The following AKR1E2 variants were observed in gnomAD, a reference collection of about 807,000 sequenced individuals.
The protein encoded by AKR1E2 is 1,5-anhydro-D-fructose reductase.
AKR1E2 carries 43 observed loss-of-function variants against 41.9 expected under a neutral mutation model. The ratio of observed to expected loss-of-function variants is 1.03; its 90% CI spans 0.80 to 1.32. The LOEUF (loss-of-function observed/expected upper bound fraction) is 1.32, where lower values mean the gene tolerates loss of function less well. AKR1E2 is among the 40% of genes most tolerant of loss of function. The probability of loss-of-function intolerance (pLI) is 0.00; values close to 1 mark genes in which losing one functional copy is unlikely to be tolerated. For missense variants in AKR1E2, 423 were observed against 396.5 expected (o/e 1.07, Z -0.57); for synonymous variants, 121 against 138.9 (o/e 0.87, Z 0.91).
At chr10:4,830,634 C>T (rs1397957409) in intron 1 of AKR1E2, 41 bp from the exon 2 acceptor site, 6 of 1,608,156 alleles carry the variant, frequency 3.7e-6, no homozygotes, top group Non-Finnish European at 5.1e-6. Context: ...TGTTGGATTC[C>T]TCTGACTGTG....
At position 4,847,427 on chromosome 10, in the gene AKR1E2, G is replaced by A; in HGVS notation, c.921-61G>A. 5 of 1,589,256 alleles carry A rather than the reference G, an allele frequency of 3.1e-6. No individual in the cohort carries two copies. In the Admixed American group the frequency reaches 6.8e-5, roughly 22 times the overall value. On this transcript the variant is annotated intron_variant, in intron 9 of 9. Coordinates refer to ENST00000298375, the MANE Select transcript of AKR1E2 (RefSeq NM_001040177.3). Reference sequence around the variant, plus strand: ...TTTAAAAGTATATACCATTTAAAATGTTTCTCTTAAAAAATAATCATTCTT... The same window carrying A: ...TTTAAAAGTATATACCATTTAAAATATTTCTCTTAAAAAATAATCATTCTT...
chr10:4,828,784 AAT>A (rs1326167525), intron 1 of AKR1E2, among the ~76,000 whole-genome samples: 6 of 152,128 alleles, frequency 3.9e-5, no homozygotes, highest in African/African-American at 1.4e-4. Context: ...TCCTGAAGAG[AAT>A]ATATGTCTTT....
chr10:4,862,266 C>T, the AKR1E2 span, among the ~76,000 whole-genome samples: 1 of 152,112 alleles, frequency 6.6e-6, no homozygotes. Context: ...TTTCTGAGGG[C>T]TCTGTTCTGT....
chr10:4,861,850 A>T, the AKR1E2 span, among the ~76,000 whole-genome samples: 1 of 152,030 alleles, frequency 6.6e-6, no homozygotes, highest in Non-Finnish European at 1.5e-5. Context: ...AGATGAGTAG[A>T]TTGCAAAAAT....
chr10:4,842,501 C>T lies in AKR1E2; in HGVS notation c.834C>T (p.Ile278=), dbSNP rs1432755432. ...SITPSHIKEN[I]QVFDFELTQH... is the part of the protein sequence containing the mutation. ...CCCCAAGTCACATTAAAGAGAATAT[C>T]CAGGTAGGTGTATTCCTTCTTTTAT... Residue 278 remains isoleucine (I), a synonymous_variant, in exon 8 of 10, where the codon ATC becomes ATT. Coordinates refer to ENST00000298375, the MANE Select transcript of AKR1E2 (RefSeq NM_001040177.3). 6.2e-7 allele frequency: 1 copy of T among 1,613,442 alleles called. No homozygotes were observed. The highest frequency in any genetic ancestry group is 1.3e-5 in the African/African-American group (1 of 74,920).
the AKR1E2 span, among the ~76,000 whole-genome samples, chr10:4,862,425 G>C: frequency 6.6e-6 from 1 of 152,096 alleles, no homozygotes; most frequent in East Asian, 1.9e-4. Flanking sequence ...CTCTTTTTTG[G>C]TTCCATATGA....
chr10:4,859,008 G>A, the AKR1E2 span, among the ~76,000 whole-genome samples: 8 of 152,032 alleles, frequency 5.3e-5, no homozygotes, highest in East Asian at 1.9e-4. Context: ...ATTTTTAGTA[G>A]AGACGAGGTT....
Position 4,839,787 on chromosome 10 carries a change from A to C in AKR1E2, c.641A>C (p.Asp214Ala). 1 of 1,613,970 alleles carries C rather than the reference A, an allele frequency of 6.2e-7. No homozygotes were observed. The highest frequency in any genetic ancestry group is 2.2e-5 in the East Asian group (1 of 44,872). ...CTGATCAGTTTTTGCCAATCCAGAG[A>C]TGTGTCCGTGACTGCTTACCGTCCT... The part of the protein sequence containing the change: ...KNLISFCQSR[D>A]VSVTAYRPLG... The change falls in exon 6 of 10, where the codon GAT becomes GCT. Residue 214 changes from aspartate to alanine, a missense_variant. Transcript: ENST00000298375.
chr10:4,861,974 T>C, the AKR1E2 span, among the ~76,000 whole-genome samples: 1 of 152,140 alleles, frequency 6.6e-6, no homozygotes, highest in Non-Finnish European at 1.5e-5. Context: ...GTTGCCATTG[T>C]TTTTGGTGTT....
intron 6 of AKR1E2, 97 bp from the exon 7 acceptor site, chr10:4,841,688 A>G: frequency 1.0e-6 from 1 of 976,626 alleles, no homozygotes; most frequent in Non-Finnish European, 1.5e-6. Flanking sequence ...TGATCAGAAA[A>G]TAAATCTTTC....
chr10:4,830,531 C>A, intron 1 of AKR1E2, 144 bp from the exon 2 acceptor site: 2 of 779,712 alleles, frequency 2.6e-6, no homozygotes, highest in Non-Finnish European at 2.0e-6. Flanking sequence ...ACTGATATTG[C>A]CTGTTTTTAG....
chr10:4,830,229 A>G (rs74693142), intron 1 of AKR1E2, among the ~76,000 whole-genome samples: 5,305 of 152,248 alleles, frequency 0.035, 150 homozygotes, highest in East Asian at 0.11. Flanking sequence ...TGCTTGTAGC[A>G]TTATACATTC....
In AKR1E2 at chr10:4,847,238, T is replaced by C. The variant is rs369174872; in HGVS notation, c.920+8T>C. ...ACTGGCCATGTTCCCCATGTAAATA[T>C]GGCTCCTTCTTTTTAAAACAGAGGG... On this transcript the variant is annotated splice_region_variant and intron_variant, in intron 9 of 9. Transcript: ENST00000298375. The C allele has an allele frequency of 5.0e-5, 80 of 1,613,866 alleles. No homozygotes were observed. The highest frequency in any genetic ancestry group is 6.3e-5 in the Non-Finnish European group (74 of 1,179,886).
intron 4 of AKR1E2, among the ~76,000 whole-genome samples, chr10:4,837,060 CAAAT>C (rs1272343419): frequency 2.0e-5 from 3 of 152,158 alleles, no homozygotes; most frequent in African/African-American, 7.2e-5. Flanking sequence ...GAAAGGTGAA[CAAAT>C]AAAATCCGCA....
At chr10:4,839,659 G>T (rs1261510586) in intron 5 of AKR1E2, 70 bp from the exon 6 acceptor site, 2 of 1,415,720 alleles carry the variant, frequency 1.4e-6, no homozygotes, top group African/African-American at 1.4e-5. Flanking sequence ...TTTGACGCAG[G>T]TCTTCTCTTG....
At chr10:4,856,868 C>A in the AKR1E2 span, among the ~76,000 whole-genome samples, 1 of 152,126 alleles carries the variant, frequency 6.6e-6, no homozygotes, top group Non-Finnish European at 1.5e-5. Flanking sequence ...GGTTTATAAT[C>A]AACTGTAGAA....
At chr10:4,843,976 A>G (rs72478258) in intron 8 of AKR1E2, among the ~76,000 whole-genome samples, 4,822 of 152,252 alleles carry the variant, frequency 0.032, 131 homozygotes, top group East Asian at 0.12. Flanking sequence ...TTGGAACGAG[A>G]CTGCAGGTCT....
At chr10:4,872,687 C>A in the AKR1E2 span, among the ~76,000 whole-genome samples, 2 of 152,046 alleles carry the variant, frequency 1.3e-5, no homozygotes, top group African/African-American at 4.8e-5. Context: ...CAGGGAGAGA[C>A]TAGTTTAAGA....
chr10:4,859,055 T>C, the AKR1E2 span, among the ~76,000 whole-genome samples: 39,192 of 151,812 alleles, frequency 0.26, 5,268 homozygotes, highest in Middle Eastern at 0.37. Context: ...AACTCCTGAC[T>C]TCAGGTGACA....
Sources: allele counts gnomAD v4.1 joint callset (sites outside exome capture counted in the v4.1 genomes callset), GRCh38; gene constraint gnomAD v4.1.1; transcripts MANE v1.5; gene names NCBI Gene and HGNC (gene_info 2026-07-23, HGNC 2026-07-21).